The following PAXIP1 variants were observed in gnomAD, a reference collection of about 807,000 sequenced individuals.
PAXIP1 encodes the protein PAX-interacting protein 1.
PAXIP1 carries 19 observed loss-of-function variants against 140.6 expected under a neutral mutation model. The ratio of observed to expected loss-of-function variants is 0.14; its 90% CI spans 0.09 to 0.20. The LOEUF is 0.20. PAXIP1 is among the 10% of genes least tolerant of loss of function. The probability of loss-of-function intolerance (pLI) is 1.00; values close to 1 mark genes in which losing one functional copy is unlikely to be tolerated. For missense variants in PAXIP1, 920 were observed against 1,208.6 expected, an observed-to-expected ratio of 0.76 and a Z score of 3.54; for synonymous variants, 442 against 444.6, an observed-to-expected ratio of 0.99 and a Z score of 0.07.
At chr7:155,001,720 A>T (rs1448693223) in intron 1 of PAXIP1, 1 of 152,184 alleles carries the variant, frequency 6.6e-6, no homozygotes, top group Non-Finnish European at 1.5e-5. Context: ...CTGGTCTCGA[A>T]CTCATGACCT....
chr7:154,976,064 G>A lies in PAXIP1; in HGVS notation c.706C>T (p.Pro236Ser), dbSNP rs779156599. ...GSPSGDQQFS[P>S]KSNTEKSKGE... ...TTAGATTTTTCAGTGTTGGATTTAG[G>A]TGAAAACTGCTGGTCACCTGAAGGA... is the stretch of plus-strand genomic sequence containing the variant. Residue 236 changes from proline to serine, a missense_variant, in exon 6 of 21, where the codon CCT becomes TCT. Physicochemically the swap from Pro to Ser is moderately conservative, Grantham distance 74 (BLOSUM62 -1). Around this residue, in one of 5 missense-constraint regions of PAXIP1, gnomAD observed 419 missense variants for 514.7 expected, o/e 0.81. Coordinates refer to ENST00000404141, the MANE Select transcript of PAXIP1 (RefSeq NM_007349.4). 1.9e-6 allele frequency: 3 copies of A among 1,591,086 alleles called. No individual in the cohort carries two copies. Among genetic ancestry groups the A allele is most frequent in the East Asian group, 2.3e-5 (1 of 44,242 alleles).
At chr7:154,945,003 T>TA (rs1432547990) in intron 20 of PAXIP1, 35 of 112,586 alleles carry the variant, frequency 3.1e-4, no homozygotes, top group South Asian at 2.4e-3. Flanking sequence ...TTTTTTTTTT[T>TA]AAAGACAGAG....
chr7:154,963,935 AC>A lies in PAXIP1; in HGVS notation c.1894-170del, dbSNP rs1168498579. On this transcript the variant is annotated intron_variant, in intron 8 of 20. Coordinates refer to ENST00000404141, the MANE Select transcript of PAXIP1 (RefSeq NM_007349.4). This position sits in a 1 kb window ranked among gnomAD's most constrained non-coding sequence, Gnocchi z 4.1. ...CTATTTACGGACTTTTCTACCCAGC[AC>A]CATACAATGAAAATGAACTCCAATA... 3 of 579,402 alleles carry A rather than the reference AC, an allele frequency of 5.2e-6. No homozygotes were observed. Among genetic ancestry groups the A allele is most frequent in the Non-Finnish European group, 9.3e-6 (3 of 321,204 alleles). 35.9% of individuals were successfully genotyped at this position (579,402 alleles called of 1,614,324 possible). A position where few individuals can be genotyped will look rare whatever the true frequency, so the allele number is the denominator to read the frequency against.
Position 154,956,831 on chromosome 7 carries a change from A to G in PAXIP1, c.2549+393T>C, listed in dbSNP as rs570519325. 20 of 160,358 alleles carry G rather than the reference A, an allele frequency of 1.2e-4. No individual in the cohort carries two copies. Among genetic ancestry groups the G allele is most frequent in the Non-Finnish European group, 2.4e-4 (18 of 73,804 alleles). The allele number at this position is 160,358 out of a possible 1,614,324, so 9.9% of individuals were successfully genotyped here. A position where few individuals can be genotyped will look rare whatever the true frequency, so the allele number is the denominator to read the frequency against. On this transcript the variant is annotated intron_variant, in intron 14 of 20. Transcript: ENST00000404141. The surrounding 1 kb of genome is among the most constrained non-coding windows in gnomAD (Gnocchi z 4.2). ...CACCTACATGCTCTCTCGGCAGCCT[A>G]CATGCTCTCTCGGCAGCCTACACGC...
chr7:154,944,874 G>GT (rs1807861263), intron 20 of PAXIP1: 3 of 152,196 alleles, frequency 2.0e-5, no homozygotes, highest in African/African-American at 7.2e-5. Context: ...GCAAGCTCTG[G>GT]TATGAATGGT....
chr7:154,973,061 G>T lies in PAXIP1; in HGVS notation c.1074+2635C>A, dbSNP rs1248138166. Among the ~76,000 whole-genome samples, 1 of 152,232 alleles carries T rather than the reference G, an allele frequency of 6.6e-6. No homozygotes were observed. The highest frequency in any genetic ancestry group is 1.5e-5 in the Non-Finnish European group (1 of 68,054). On this transcript the variant is annotated intron_variant, in intron 6 of 20. Coordinates refer to ENST00000404141, the MANE Select transcript of PAXIP1 (RefSeq NM_007349.4). This position sits in a 1 kb window ranked among gnomAD's most constrained non-coding sequence, Gnocchi z 4.0. ...GGGCCGGCACCCTCAGCATTGGGCGGTGCTGGAGCTGGCTCCTTCTGTGCA... is the reference window on the plus strand; with the variant it reads ...GGGCCGGCACCCTCAGCATTGGGCGTTGCTGGAGCTGGCTCCTTCTGTGCA...
chr7:154,951,837 A>G (rs989760433), intron 16 of PAXIP1: 3 of 152,250 alleles, frequency 2.0e-5, no homozygotes, highest in African/African-American at 2.4e-5. Context: ...AAGAATAAGC[A>G]AAGTCAGAAA....
chr7:154,997,889 G>A (rs577979024), intron 2 of PAXIP1, among the ~76,000 whole-genome samples: 17 of 152,328 alleles, frequency 1.1e-4, no homozygotes, highest in Middle Eastern at 3.4e-3. Context: ...TGCCACAGTC[G>A]GGATGGAAAG....
At chr7:154,999,006 G>C (rs924794813) in intron 1 of PAXIP1, among the ~76,000 whole-genome samples, 1 of 152,246 alleles carries the variant, frequency 6.6e-6, no homozygotes, top group African/African-American at 2.4e-5. Flanking sequence ...CAATGACCAA[G>C]TAATGGAGGC....
intron 3 of PAXIP1, among the ~76,000 whole-genome samples, chr7:154,991,342 T>C (rs1429115324): frequency 3.9e-5 from 6 of 152,226 alleles, no homozygotes; most frequent in Non-Finnish European, 8.8e-5. Flanking sequence ...GGGGGAAGCC[T>C]TTTGATCTCT....
intron 16 of PAXIP1, chr7:154,948,658 C>A (rs1808117334): frequency 1.3e-5 from 2 of 151,728 alleles, no homozygotes; most frequent in Non-Finnish European, 2.9e-5. Context: ...CTCTTTACCC[C>A]CCGACTATTT....
At chr7:154,962,288 T>C (rs766366113) in intron 10 of PAXIP1, 33 bp downstream of exon 10, 2 of 1,607,156 alleles carry the variant, frequency 1.2e-6, no homozygotes, top group Non-Finnish European at 1.7e-6. Flanking sequence ...CGAAGGATGA[T>C]TTAACAAATG....
intron 2 of PAXIP1, among the ~76,000 whole-genome samples, chr7:154,995,345 C>A (rs933130649): frequency 2.0e-5 from 3 of 152,176 alleles, no homozygotes; most frequent in African/African-American, 4.8e-5. Context: ...TATCTCCCCC[C>A]AGGGAGCTTG....
chr7:154,959,788 G>A, intron 13 of PAXIP1, 102 bp downstream of exon 13: 1 of 796,470 alleles, frequency 1.3e-6, no homozygotes, highest in Non-Finnish European at 2.1e-6. Context: ...TTATCATGTT[G>A]ACAAGTTACT....
chr7:154,957,137 T>C, intron 14 of PAXIP1, 87 bp downstream of exon 14: 1 of 660,386 alleles, frequency 1.5e-6, no homozygotes, highest in Non-Finnish European at 2.6e-6. Context: ...CTGCAAAACA[T>C]TTTAGAAACT....
At position 154,946,753 on chromosome 7, in the gene PAXIP1, C is replaced by T. The variant is rs750740629; in HGVS notation, c.2983G>A (p.Val995Ile). 5.6e-6 allele frequency: 9 copies of T among 1,612,454 alleles called. No homozygotes were observed. The highest frequency in any genetic ancestry group is 5.3e-5 in the African/African-American group (4 of 74,804). The change falls in exon 18 of 21, where the codon GTA becomes ATA. Residue 995 changes from valine (V) to isoleucine (I), a missense_variant. Transcript: ENST00000404141. This position sits in a 1 kb window ranked among gnomAD's most constrained non-coding sequence, Gnocchi z 4.9. ...CPSLSTMKAI[V>I]ECAGGKVLSK... ...AACACCTTTCCTCCTGCACACTCTA[C>T]GATTGCCTTCATAGTGGAAAGACTT... is the stretch of plus-strand genomic sequence containing the variant.
In PAXIP1 at chr7:154,960,053, TA is replaced by T. The variant is rs1310727359; in HGVS notation, c.2435-121del. The stretch of plus-strand genomic sequence containing the variant: ...AGGTGGTTTAGCTGACAACACTTAA[TA>T]AGGATAAATGTAAGTACTATAATGA... On this transcript the variant is annotated intron_variant, in intron 12 of 20. Transcript: ENST00000404141. 1.0e-5 allele frequency: 7 copies of T among 689,158 alleles called. No individual in the cohort carries two copies. The African/African-American group carries it at 1.3e-4, about 12-fold the overall frequency. 42.7% of individuals were successfully genotyped at this position (689,158 alleles called of 1,614,324 possible). A position where few individuals can be genotyped will look rare whatever the true frequency, so the allele number is the denominator to read the frequency against.
chr7:155,002,781 G>A, intron 1 of PAXIP1, 68 bp downstream of exon 1: 1 of 885,836 alleles, frequency 1.1e-6, no homozygotes, highest in South Asian at 2.5e-5. Flanking sequence ...AGCGGGGACG[G>A]GGACGGGGAC....
At chr7:154,952,852 T>G (rs1198075803) in intron 16 of PAXIP1, among the ~76,000 whole-genome samples, 1 of 152,182 alleles carries the variant, frequency 6.6e-6, no homozygotes, top group Admixed American at 6.5e-5. Context: ...GATTAATGAT[T>G]TATTCTTTCC....
Sources: allele counts gnomAD v4.1 joint callset (sites outside exome capture counted in the v4.1 genomes callset), GRCh38; gene constraint gnomAD v4.1.1; regional missense constraint gnomAD v4.1.1; non-coding constraint Gnocchi (gnomAD v3.1); transcripts MANE v1.5; gene names NCBI Gene and HGNC (gene_info 2026-07-23, HGNC 2026-07-21).